The following CIAO2A variants were observed in gnomAD, a reference collection of about 807,000 sequenced individuals.
CIAO2A encodes MIP18 family protein FAM96A.
A neutral mutation model predicts 22.4 loss-of-function variants in CIAO2A; 17 were observed. That is an observed-to-expected ratio of 0.76 (90% CI 0.52 to 1.14). CIAO2A has a LOEUF of 1.14. Among genes scored for constraint, CIAO2A ranks in the 50% most tolerant of loss-of-function variants. CIAO2A has a pLI of 0.00. For synonymous variants in CIAO2A, 74 were observed against 72.3 expected, an observed-to-expected ratio of 1.02 and a Z score of -0.12; for missense variants, 192 against 191.4, an observed-to-expected ratio of 1.00 and a Z score of -0.02.
Position 64,088,850 on chromosome 15 carries a change from A to C in CIAO2A, c.126T>G (p.Asp42Glu). 1 of 1,603,832 alleles carries C rather than the reference A, an allele frequency of 6.2e-7. No homozygotes were observed. The change falls in exon 2 of 5, where the codon GAT becomes GAG. Residue 42 changes from aspartate (D) to glutamate (E), a missense_variant and splice_region_variant. Physicochemically the swap from Asp to Glu is conservative, Grantham distance 45 (BLOSUM62 2). Coordinates refer to ENST00000300030, the MANE Select transcript of CIAO2A (RefSeq NM_032231.7). The stretch of plus-strand genomic sequence containing the variant: ...CTGGGTCCCGGATAGTTCTAATCAA[A>C]TCTAAAGAATCATCAGAGATAAGAT... ...IMEEKALEVY[D>E]LIRTIRDPEK...
At chr15:64,093,530 CAAACA>C in intron 1 of CIAO2A, 110 bp downstream of exon 1, 3 of 1,269,388 alleles carry the variant, frequency 2.4e-6, no homozygotes, top group South Asian at 1.7e-5. Flanking sequence ...AACAAACAAA[CAAACA>C]AAAAAAAAGG....
At chr15:64,085,515 A>T (rs924848726) in intron 2 of CIAO2A, among the ~76,000 whole-genome samples, 4 of 152,228 alleles carry the variant, frequency 2.6e-5, no homozygotes, top group African/African-American at 9.6e-5. Flanking sequence ...AACAAAAAAA[A>T]TTTAAAAAAA....
intron 2 of CIAO2A, among the ~76,000 whole-genome samples, chr15:64,082,871 C>T (rs975354037): frequency 5.9e-5 from 9 of 152,072 alleles, no homozygotes; most frequent in Non-Finnish European, 1.3e-4. Flanking sequence ...AGTTACTTAA[C>T]CTCTCTGAGC....
At chr15:64,081,301 G>A in intron 2 of CIAO2A, 150 bp from the exon 3 acceptor site, 1 of 591,808 alleles carries the variant, frequency 1.7e-6, no homozygotes, top group African/African-American at 1.9e-5. Flanking sequence ...TTTGAGGCTG[G>A]CACCACGCTA....
Position 64,072,939 on chromosome 15 carries a change from G to A in CIAO2A, c.475C>T (p.Pro159Ser). The change falls in exon 5 of 5, where the codon CCT becomes TCT. Residue 159 changes from proline to serine, a missense_variant. Transcript: ENST00000300030. ...REIVEQCVLE[P>S]D is the part of the protein sequence containing the mutation. ...GGCTCTTAAAACAGCTATCAGTCAG[G>A]TTCAAGGACACACTGTTCCACAATT... The A allele has an allele frequency of 1.9e-6, 3 of 1,610,690 alleles. No homozygotes were observed. In the South Asian group the frequency reaches 3.3e-5, roughly 18 times the overall value.
intron 1 of CIAO2A, chr15:64,090,422 C>G (rs1283317320): frequency 6.6e-6 from 1 of 152,484 alleles, no homozygotes; most frequent in Non-Finnish European, 1.5e-5. Context: ...GGTTTGCTGG[C>G]CTTTGAGTTT....
At chr15:64,088,872 A>C in intron 1 of CIAO2A, 21 bp from the exon 2 acceptor site, 1 of 1,593,426 alleles carries the variant, frequency 6.3e-7, no homozygotes, top group South Asian at 1.2e-5. Flanking sequence ...ATCAGAGATA[A>C]GATATTCTAT....
At chr15:64,078,478 T>C (rs1188706834) in intron 3 of CIAO2A, among the ~76,000 whole-genome samples, 2 of 151,764 alleles carry the variant, frequency 1.3e-5, no homozygotes, top group African/African-American at 4.8e-5. Flanking sequence ...CTACTAAAAA[T>C]ACAAAAATTT....
rs1205603830 is a variant in CIAO2A, at chr15:64,072,995, G to A, written c.419C>T (p.Ala140Val). The A allele has an allele frequency of 1.2e-6, 2 of 1,613,648 alleles. No individual in the cohort carries two copies. The highest frequency in any genetic ancestry group is 2.7e-5 in the African/African-American group (2 of 75,020). ...TAAGTTGGGGTTTTCCATTGCAGCT[G>A]CCACTCGCTCTTTGTCATTTATCTG... Reference protein sequence around the residue: ...NKQINDKERVAAAMENPNLRE... With the variant: ...NKQINDKERVVAAMENPNLRE... Residue 140 changes from alanine (A) to valine (V), a missense_variant, in exon 5 of 5, where the codon GCA becomes GTA. Ala to Val is a moderately conservative substitution (Grantham distance 64). Coordinates refer to ENST00000300030, the MANE Select transcript of CIAO2A (RefSeq NM_032231.7).
chr15:64,092,122 C>A (rs1007515400), intron 1 of CIAO2A, among the ~76,000 whole-genome samples: 37 of 150,118 alleles, frequency 2.5e-4, no homozygotes, highest in African/African-American at 8.4e-4. Context: ...TTACTCCCCA[C>A]ACTAACATTC....
intron 3 of CIAO2A, among the ~76,000 whole-genome samples, chr15:64,078,658 A>G (rs1338545584): frequency 1.3e-5 from 2 of 151,756 alleles, no homozygotes; most frequent in African/African-American, 4.8e-5. Context: ...AAAAAAAAGA[A>G]AAGAGAGAGA....
intron 1 of CIAO2A, among the ~76,000 whole-genome samples, chr15:64,089,502 AC>A (rs2080822844): frequency 7.0e-6 from 1 of 143,198 alleles, no homozygotes; most frequent in Non-Finnish European, 1.5e-5. Flanking sequence ...ACAAAGCGAG[AC>A]CCTGTCTCAA....
Position 64,088,771 on chromosome 15 carries a change from C to A in CIAO2A, c.205G>T (p.Val69Phe), listed in dbSNP as rs749970749. The A allele has an allele frequency of 6.2e-7, 1 of 1,614,078 alleles. No homozygotes were observed. The highest frequency in any genetic ancestry group is 2.2e-5 in the East Asian group (1 of 44,864). The part of the protein sequence containing the change: ...LEVVSESCVE[V>F]QEINEEEYLV... ...TATTCTTCTTCATTTATCTCCTGAACTTCCACACAACTTTCCGAGACCACT... is the reference window on the plus strand; with the variant it reads ...TATTCTTCTTCATTTATCTCCTGAAATTCCACACAACTTTCCGAGACCACT... The change falls in exon 2 of 5, where the codon GTT becomes TTT. Residue 69 changes from valine to phenylalanine, a missense_variant. Coordinates refer to ENST00000300030, the MANE Select transcript of CIAO2A (RefSeq NM_032231.7).
chr15:64,076,973 A>C (rs757386142), intron 3 of CIAO2A, among the ~76,000 whole-genome samples: 4 of 152,058 alleles, frequency 2.6e-5, no homozygotes, highest in Non-Finnish European at 5.9e-5. Context: ...CCCAAAGTAC[A>C]GAGATTATAG....
chr15:64,093,602 T>A (rs769524163), intron 1 of CIAO2A, 43 bp downstream of exon 1: 2 of 1,591,410 alleles, frequency 1.3e-6, no homozygotes, highest in Non-Finnish European at 1.7e-6. Flanking sequence ...AGCTCCGGCC[T>A]GCACCTATAA....
chr15:64,088,952 T>G, intron 1 of CIAO2A, 101 bp from the exon 2 acceptor site: 6 of 1,060,446 alleles, frequency 5.7e-6, no homozygotes, highest in Non-Finnish European at 8.1e-6. Context: ...CTCTTACGTT[T>G]AAGCAAATAG....
At chr15:64,086,761 G>A (rs942755557) in intron 2 of CIAO2A, among the ~76,000 whole-genome samples, 2 of 151,456 alleles carry the variant, frequency 1.3e-5, no homozygotes, top group African/African-American at 4.9e-5. Flanking sequence ...TTACAGGTGC[G>A]TGCCACCATG....
chr15:64,081,238 C>A, intron 2 of CIAO2A, 87 bp from the exon 3 acceptor site: 1 of 1,260,704 alleles, frequency 7.9e-7, no homozygotes. Context: ...TTATGTGCCC[C>A]CATACAACAC....
intron 2 of CIAO2A, among the ~76,000 whole-genome samples, chr15:64,085,335 G>A (rs556527975): frequency 6.6e-6 from 1 of 152,188 alleles, no homozygotes; most frequent in East Asian, 1.9e-4. Flanking sequence ...ACCAGCCTGG[G>A]CAACATGGCA....
Sources: allele counts gnomAD v4.1 joint callset (sites outside exome capture counted in the v4.1 genomes callset), GRCh38; gene constraint gnomAD v4.1.1; transcripts MANE v1.5; gene names NCBI Gene and HGNC (gene_info 2026-07-23, HGNC 2026-07-21).